TROAP: variants seen among roughly 807,000 people sequenced by gnomAD.
TROAP encodes tastin.
A neutral mutation model predicts 83.4 loss-of-function variants in TROAP; 62 were observed. That is an observed-to-expected ratio of 0.74 (90% CI 0.61 to 0.92). The LOEUF is 0.92. Among genes scored for constraint, TROAP ranks in the 40% least tolerant of loss-of-function variants. The pLI is 0.00. For missense variants in TROAP, 876 were observed against 985.1 expected (o/e 0.89, Z 1.48); for synonymous variants, 352 against 386.4 (o/e 0.91, Z 1.04).
At position 49,331,198 on chromosome 12, in the gene TROAP, T is replaced by C; in HGVS notation, c.2099-16T>C. 1 of 1,613,878 alleles carries C rather than the reference T, an allele frequency of 6.2e-7. No individual in the cohort carries two copies. The highest frequency in any genetic ancestry group is 8.5e-7 in the Non-Finnish European group (1 of 1,179,986). On this transcript the variant is annotated splice_polypyrimidine_tract_variant and intron_variant, in intron 13 of 14. Transcript: ENST00000257909. ...TAGGACCCCAGACCTCCCTCTAAATTTTCCATGCCCCTCAGGCCTCAGCAA... is the reference window on the plus strand; with the variant it reads ...TAGGACCCCAGACCTCCCTCTAAATCTTCCATGCCCCTCAGGCCTCAGCAA...
At position 49,329,773 on chromosome 12, in the gene TROAP, CCATT is replaced by C. The variant is rs1943550618; in HGVS notation, c.1165-82_1165-79del. The C allele has an allele frequency of 9.7e-6, 15 of 1,551,366 alleles. No individual in the cohort carries two copies. In the East Asian group the frequency reaches 3.4e-4, roughly 35 times the overall value. On this transcript the variant is annotated intron_variant, in intron 11 of 14. Transcript: ENST00000257909. The surrounding 1 kb of genome is among the most constrained non-coding windows in gnomAD (Gnocchi z 4.5). ...GGGCCTCTCAGTTAGGGGCTTCAATCCATTCCTCATGAGGGTGGGACTCAGGCTG... is the reference window on the plus strand; with the variant it reads ...GGGCCTCTCAGTTAGGGGCTTCAATCCCTCATGAGGGTGGGACTCAGGCTG...
At chr12:49,328,857 C>G (rs1943537926) in intron 8 of TROAP, 70 bp from the exon 9 acceptor site, 2 of 1,496,506 alleles carry the variant, frequency 1.3e-6, no homozygotes, top group Admixed American at 2.3e-5. Flanking sequence ...GAGCGAGACT[C>G]CGTATCAAAA....
chr12:49,323,910 G>T lies in TROAP; in HGVS notation c.210G>T (p.Pro70=). 1 of 1,614,056 alleles carries T rather than the reference G, an allele frequency of 6.2e-7. No individual in the cohort carries two copies. The highest frequency in any genetic ancestry group is 8.5e-7 in the Non-Finnish European group (1 of 1,180,008). Residue 70 remains proline, a synonymous_variant, in exon 3 of 15, where the codon CCG becomes CCT. Transcript: ENST00000257909. ...RPLVDSAGPR[P]KARHQAETSQ... is the part of the protein sequence containing the mutation. ...TCGTTGATTCAGCAGGCCCCAGGCC[G>T]AAAGCCAGGCACCAGGCAGAGACAT... is the stretch of plus-strand genomic sequence containing the variant.
Position 49,324,015 on chromosome 12 carries a change from G to A in TROAP, c.315G>A (p.Gly105=). The change falls in exon 3 of 15, where the codon GGG becomes GGA. Residue 105 remains glycine (G), a synonymous_variant. Coordinates refer to ENST00000257909, the MANE Select transcript of TROAP (RefSeq NM_005480.4). ...CTAGCCCTAGGGGTCAAAATGTGGG[G>A]CCTGGGCCCCCTGCCCAGACAGGTA... The part of the protein sequence containing the change: ...LRPSPRGQNV[G]PGPPAQTEAP... 1 of 1,613,666 alleles carries A rather than the reference G, an allele frequency of 6.2e-7. No homozygotes were observed. The highest frequency in any genetic ancestry group is 1.1e-5 in the South Asian group (1 of 91,060).
At chr12:49,323,572 T>A in intron 1 of TROAP, 32 bp from the exon 2 acceptor site, 1 of 1,605,846 alleles carries the variant, frequency 6.2e-7, no homozygotes, top group Non-Finnish European at 8.5e-7. Context: ...GATCTTAGAT[T>A]CTGCCTGCCT....
chr12:49,328,875 T>G (rs1012607168), intron 8 of TROAP, 52 bp from the exon 9 acceptor site: 1 of 1,492,810 alleles, frequency 6.7e-7, no homozygotes, highest in Non-Finnish European at 8.9e-7. Context: ...AAAAAAAAAA[T>G]AGGAAGACAA....
At chr12:49,325,366 T>TAAAAAA (rs541818565) in intron 3 of TROAP, 135 bp from the exon 4 acceptor site, 1 of 770,046 alleles carries the variant, frequency 1.3e-6, no homozygotes, top group Non-Finnish European at 1.9e-6. Flanking sequence ...ATCTATTTCT[T>TAAAAAA]AAAAAAAAAA....
At chr12:49,328,327 T>G (rs1943530672) in intron 8 of TROAP, among the ~76,000 whole-genome samples, 1 of 148,366 alleles carries the variant, frequency 6.7e-6, no homozygotes, top group Non-Finnish European at 1.5e-5. Context: ...TGGGTTCAAG[T>G]GATTCTCCTG....
At chr12:49,327,754 A>C (rs1003446979) in intron 8 of TROAP, among the ~76,000 whole-genome samples, 8 of 152,150 alleles carry the variant, frequency 5.3e-5, no homozygotes, top group African/African-American at 1.9e-4. Flanking sequence ...GTATAAAATA[A>C]ATAGTGTCTC....
intron 6 of TROAP, 148 bp downstream of exon 6, chr12:49,326,306 G>A (rs774231201): frequency 1.2e-6 from 1 of 805,278 alleles, no homozygotes; most frequent in Non-Finnish European, 2.0e-6. Context: ...TGATTACCCG[G>A]GATGAGCCCT....
chr12:49,329,903 C>T lies in TROAP; in HGVS notation c.1211C>T (p.Ser404Leu), dbSNP rs768097262. 1 of 1,614,050 alleles carries T rather than the reference C, an allele frequency of 6.2e-7. No individual in the cohort carries two copies. Among genetic ancestry groups the T allele is most frequent in the East Asian group, 2.2e-5 (1 of 44,892 alleles). Residue 404 changes from serine (S) to leucine (L), a missense_variant, in exon 12 of 15, where the codon TCA (serine) becomes TTA (leucine). Transcript: ENST00000257909. This position sits in a 1 kb window ranked among gnomAD's most constrained non-coding sequence, Gnocchi z 4.5. Reference protein sequence around the residue: ...RLFDQESCIRSLEGSGKPPVA... With the variant: ...RLFDQESCIRLLEGSGKPPVA... ...TTTGACCAGGAGAGTTGTATAAGGTCACTGGAGGGTTCTGGGAAACCACCG... is the reference window on the plus strand; with the variant it reads ...TTTGACCAGGAGAGTTGTATAAGGTTACTGGAGGGTTCTGGGAAACCACCG...
Position 49,323,441 on chromosome 12 carries a change from G to T in TROAP, c.-6+92G>T. The stretch of plus-strand genomic sequence containing the variant: ...CCCGAGGGCGAAAGAGTAGGCTCGG[G>T]GTGTCTGGAGATAGCACCCATAAGA... On this transcript the variant is annotated intron_variant, in intron 1 of 14. Transcript: ENST00000257909. 5.7e-6 allele frequency: 5 copies of T among 879,572 alleles called. No homozygotes were observed. In the South Asian group the frequency reaches 8.5e-5, roughly 15 times the overall value. The allele number at this position is 879,572 out of a possible 1,614,324, so 54.5% of individuals were successfully genotyped here. A position where few individuals can be genotyped will look rare whatever the true frequency, so the allele number is the denominator to read the frequency against.
chr12:49,328,287 C>T lies in TROAP; in HGVS notation c.892-640C>T, dbSNP rs909127264. On this transcript the variant is annotated intron_variant, in intron 8 of 14. Coordinates refer to ENST00000257909, the MANE Select transcript of TROAP (RefSeq NM_005480.4). The stretch of plus-strand genomic sequence containing the variant: ...TTGCCCAGGCTGGAGTGCAATGGCA[C>T]GATCTCCGCTCATTGCAACCTCTGC... Among the ~76,000 whole-genome samples the T allele has an allele frequency of 2.8e-5, 4 of 141,352 alleles. No individual in the cohort carries two copies. The South Asian group carries it at 6.8e-4, about 24-fold the overall frequency. 92.7% of individuals were successfully genotyped at this position (141,352 alleles called of 152,430 possible).
chr12:49,330,999 G>A (rs1336721424), intron 13 of TROAP, 56 bp downstream of exon 13: 1 of 1,594,930 alleles, frequency 6.3e-7, no homozygotes, highest in Non-Finnish European at 8.5e-7. Context: ...CTCACTGTGA[G>A]CTGCACACCT....
rs367650404 is a variant in TROAP, at chr12:49,329,127, T to C, written c.1021-34T>C. ...CGGAGATCCTTGCTATGTCTGGGTT[T>C]TGTCCCTGCTCAGCCACCCACATCT... On this transcript the variant is annotated intron_variant, in intron 9 of 14. Transcript: ENST00000257909. The surrounding 1 kb of genome is among the most constrained non-coding windows in gnomAD (Gnocchi z 4.5). The C allele has an allele frequency of 1.8e-5, 29 of 1,614,034 alleles. No individual in the cohort carries two copies. Among genetic ancestry groups the C allele is most frequent in the African/African-American group, 1.3e-5 (1 of 74,908 alleles).
At chr12:49,324,390 C>G (rs920274717) in intron 3 of TROAP, 2 of 497,438 alleles carry the variant, frequency 4.0e-6, no homozygotes, top group Non-Finnish European at 6.9e-6. Context: ...TCTTCTGAAG[C>G]CTTTTCCAGT....
At chr12:49,323,563 A>C in intron 1 of TROAP, 41 bp from the exon 2 acceptor site, 1 of 1,602,170 alleles carries the variant, frequency 6.2e-7, no homozygotes, top group Non-Finnish European at 8.5e-7. Context: ...TTGATCTTTG[A>C]TCTTAGATTC....
intron 6 of TROAP, 94 bp downstream of exon 6, chr12:49,326,252 CT>C: frequency 7.9e-7 from 1 of 1,259,562 alleles, no homozygotes; most frequent in Non-Finnish European, 1.1e-6. Flanking sequence ...CTTCCAGGAG[CT>C]TTAGGACTCC....
intron 3 of TROAP, 167 bp from the exon 4 acceptor site, chr12:49,325,334 G>T: frequency 1.5e-6 from 1 of 674,940 alleles, no homozygotes; most frequent in Non-Finnish European, 2.3e-6. Context: ...GGGATTACAG[G>T]CATGAGCCAC....
Sources: gnomAD v4.1 joint callset for allele counts (sites outside exome capture counted in the v4.1 genomes callset) on GRCh38, gnomAD v4.1.1 for gene constraint, Gnocchi (gnomAD v3.1) non-coding constraint, MANE v1.5 for transcripts, NCBI Gene and HGNC (gene_info 2026-07-23, HGNC 2026-07-21) for gene names.